ATP6V1B2: variants seen among roughly 807,000 people sequenced by gnomAD.
ATP6V1B2 encodes the protein ATPase H+ transporting V1 subunit B2.
Under a neutral mutation model 66.7 loss-of-function variants are expected in ATP6V1B2, and 23 were observed. The observed-to-expected ratio is 0.34, with a 90% confidence interval of 0.25 to 0.49. The LOEUF (loss-of-function observed/expected upper bound fraction) is 0.49. Ranked by LOEUF, ATP6V1B2 falls within the 20% of genes least tolerant of loss-of-function variation. The pLI is 0.99. For synonymous variants in ATP6V1B2, 278 were observed against 236.7 expected, an observed-to-expected ratio of 1.17 and a Z score of -1.60; for missense variants, 478 against 650.8, an observed-to-expected ratio of 0.73 and a Z score of 2.89.
At chr8:20,219,465 C>T (rs1396690151) in intron 13 of ATP6V1B2, among the ~76,000 whole-genome samples, 1 of 152,154 alleles carries the variant, frequency 6.6e-6, no homozygotes, top group Non-Finnish European at 1.5e-5. Context: ...TGGTCTCTCC[C>T]ATCACCCCTG....
chr8:20,205,839 C>T (rs10503674), intron 2 of ATP6V1B2, among the ~76,000 whole-genome samples: 11,779 of 152,140 alleles, frequency 0.077, 708 homozygotes, highest in African/African-American at 0.16. Context: ...AAACACAGAT[C>T]CCAAAATTCT....
chr8:20,212,238 G>A (rs372562556), intron 8 of ATP6V1B2, 39 bp downstream of exon 8: 261 of 1,583,826 alleles, frequency 1.6e-4, no homozygotes, highest in Non-Finnish European at 2.1e-4. Context: ...GCCCAGACTC[G>A]GGATCAAAAG....
chr8:20,202,606 T>A (rs1271137254), intron 1 of ATP6V1B2, among the ~76,000 whole-genome samples: 1 of 152,240 alleles, frequency 6.6e-6, no homozygotes, highest in African/African-American at 2.4e-5. Flanking sequence ...CTAGTGTTTC[T>A]TTTTCTTGGT....
intron 13 of ATP6V1B2, 136 bp from the exon 14 acceptor site, chr8:20,220,127 A>G (rs756246333): frequency 1.6e-5 from 14 of 858,786 alleles, no homozygotes; most frequent in East Asian, 3.2e-5. Flanking sequence ...AGTCCTTCTC[A>G]TTTAGTCTTG....
At chr8:20,212,977 A>C in intron 9 of ATP6V1B2, 72 bp downstream of exon 9, 1 of 1,583,604 alleles carries the variant, frequency 6.3e-7, no homozygotes, top group Admixed American at 1.7e-5. Flanking sequence ...TCACTTTGCA[A>C]GTTTTCATTC....
rs183678135 is a variant in ATP6V1B2 at position 20,220,785 on chromosome 8, T to G, written c.*383T>G. 10 of 157,972 alleles carry G rather than the reference T, an allele frequency of 6.3e-5. No homozygotes were observed. The highest frequency in any genetic ancestry group is 1.1e-4 in the Non-Finnish European group (8 of 72,312). 9.8% of individuals were successfully genotyped at this position (157,972 alleles called of 1,614,324 possible). ...AAGTTATAATGCTTTGGTCTCTACA[T>G]TAGGGGCAAGATCCAGTCTGAGAGA... On this transcript the variant is annotated 3_prime_UTR_variant, in exon 14 of 14. Transcript: ENST00000276390.
chr8:20,207,605 T>G lies in ATP6V1B2; in HGVS notation c.193-1828T>G, dbSNP rs530840672. Among the ~76,000 whole-genome samples the G allele has an allele frequency of 4.7e-4, 72 of 152,068 alleles. 1 individual carries two copies. The highest frequency in any genetic ancestry group is 1.7e-3 in the African/African-American group (71 of 41,554). On this transcript the variant is annotated intron_variant, in intron 2 of 13. Coordinates refer to ENST00000276390, the MANE Select transcript of ATP6V1B2 (RefSeq NM_001693.4). The stretch of plus-strand genomic sequence containing the variant: ...ATAAAATAAAAAAGAAAAGACCGTT[T>G]TTATGACTTCAGGCTGTTTTCCAAA...
intron 3 of ATP6V1B2, among the ~76,000 whole-genome samples, 161 bp downstream of exon 3, chr8:20,209,692 C>T (rs1261900695): frequency 6.6e-6 from 1 of 152,040 alleles, no homozygotes; most frequent in African/African-American, 2.4e-5. Context: ...TTTTTTTGCT[C>T]AGTGTCACTT....
chr8:20,216,756 G>T (rs185592126), intron 11 of ATP6V1B2: 7 of 323,756 alleles, frequency 2.2e-5, no homozygotes. Context: ...TGGGAATTCT[G>T]TTCCATAATG....
Position 20,211,757 on chromosome 8 carries a change from A to C in ATP6V1B2, c.705+4A>C. The C allele has an allele frequency of 6.3e-7, 1 of 1,576,024 alleles. No individual in the cohort carries two copies. Among genetic ancestry groups the C allele is most frequent in the Admixed American group, 1.9e-5 (1 of 53,098 alleles). On this transcript the variant is annotated splice_donor_region_variant and intron_variant, in intron 7 of 13. Coordinates refer to ENST00000276390, the MANE Select transcript of ATP6V1B2 (RefSeq NM_001693.4). ...AATTGTATTTGCTGCTATGGGTGTA[A>C]GTAGAATTTTTGTTTTAGTATGATA...
chr8:20,209,015 G>C (rs919770565), intron 2 of ATP6V1B2, among the ~76,000 whole-genome samples: 1 of 152,086 alleles, frequency 6.6e-6, no homozygotes, highest in Non-Finnish European at 1.5e-5. Flanking sequence ...AGCCTATTTA[G>C]TAACATTTTA....
At chr8:20,219,428 T>C (rs1276649361) in intron 13 of ATP6V1B2, among the ~76,000 whole-genome samples, 2 of 152,194 alleles carry the variant, frequency 1.3e-5, no homozygotes, top group African/African-American at 4.8e-5. Context: ...TGACATAGCA[T>C]AGGCAGGATT....
intron 1 of ATP6V1B2, 135 bp downstream of exon 1, chr8:20,197,677 A>G: frequency 1.7e-6 from 2 of 1,150,442 alleles, no homozygotes; most frequent in Non-Finnish European, 2.2e-6. Context: ...ACCCTGACCC[A>G]CTTGTCTCTT....
intron 9 of ATP6V1B2, 34 bp from the exon 10 acceptor site, chr8:20,214,784 G>C: frequency 6.3e-7 from 1 of 1,579,794 alleles, no homozygotes; most frequent in South Asian, 1.2e-5. Context: ...TTGTAATATC[G>C]TGCATGATAC....
intron 10 of ATP6V1B2, chr8:20,215,217 A>G: frequency 6.0e-6 from 2 of 333,588 alleles, no homozygotes; most frequent in East Asian, 5.8e-5. Context: ...TGCTGTTTGC[A>G]GGACACTGTT....
At chr8:20,214,684 A>T (rs2072833082) in intron 9 of ATP6V1B2, 134 bp from the exon 10 acceptor site, 2 of 994,596 alleles carry the variant, frequency 2.0e-6, no homozygotes, top group African/African-American at 3.4e-5. Context: ...TTTCTAAATC[A>T]TTCTTAAGGA....
At position 20,218,238 on chromosome 8, in the gene ATP6V1B2, A is replaced by G. The variant is rs2072874168; in HGVS notation, c.1352A>G (p.Tyr451Cys). ...GCCCTTACCTCAGATGATCTTCTCT[A>G]CTTGGAATTTCTGCAGAAGTTTGAG... is the stretch of plus-strand genomic sequence containing the variant. ...EEALTSDDLL[Y>C]LEFLQKFERN... Residue 451 changes from tyrosine to cysteine, a missense_variant, in exon 13 of 14, where the codon TAC becomes TGC. Tyr to Cys is a radical substitution (Grantham distance 194). This residue lies in a region of ATP6V1B2 where 326 missense variants were observed against 545.6 expected (regional missense o/e 0.60). Transcript: ENST00000276390. 1.2e-6 allele frequency: 2 copies of G among 1,613,458 alleles called. No homozygotes were observed. The highest frequency in any genetic ancestry group is 8.5e-7 in the Non-Finnish European group (1 of 1,179,506).
intron 1 of ATP6V1B2, chr8:20,204,035 C>T (rs1430917163): frequency 2.2e-6 from 1 of 455,252 alleles, no homozygotes; most frequent in Non-Finnish European, 4.4e-6. Flanking sequence ...TCCTCATCTA[C>T]TTAGCTAAAT....
At chr8:20,216,537 C>A in intron 11 of ATP6V1B2, 42 bp downstream of exon 11, 1 of 1,546,594 alleles carries the variant, frequency 6.5e-7, no homozygotes, top group South Asian at 1.1e-5. Flanking sequence ...CAGACCTGCT[C>A]ATCCGTTATT....
Sources: allele counts gnomAD v4.1 joint callset (sites outside exome capture counted in the v4.1 genomes callset), GRCh38; gene constraint gnomAD v4.1.1; regional missense constraint gnomAD v4.1.1; transcripts MANE v1.5; gene names NCBI Gene and HGNC (gene_info 2026-07-23, HGNC 2026-07-21).